The following ATG10 variants were observed in gnomAD, a reference collection of about 807,000 sequenced individuals.
ATG10 encodes the protein autophagy related 10, also known as ubiquitin-like-conjugating enzyme ATG10.
ATG10 carries 30 observed loss-of-function variants against 32.1 expected under a neutral mutation model. That is an observed-to-expected ratio of 0.94 (90% confidence interval 0.70 to 1.27). ATG10 has a LOEUF of 1.27. ATG10 is among the 50% of genes most tolerant of loss of function. The probability of loss-of-function intolerance (pLI) is 0.00; values close to 1 mark genes in which losing one functional copy is unlikely to be tolerated. For missense variants in ATG10, 233 were observed against 262.3 expected (o/e 0.89, Z 0.77); for synonymous variants, 87 against 91.5 (o/e 0.95, Z 0.28).
At chr5:82,217,425 C>G (rs1745732571) in intron 5 of ATG10, among the ~76,000 whole-genome samples, 1 of 152,054 alleles carries the variant, frequency 6.6e-6, no homozygotes, top group Non-Finnish European at 1.5e-5. Context: ...ATTACATTTA[C>G]TATGTGCTTA....
chr5:82,218,052 T>TACACAG (rs1554058425), intron 5 of ATG10, among the ~76,000 whole-genome samples: 2 of 145,186 alleles, frequency 1.4e-5, no homozygotes, highest in Non-Finnish European at 3.0e-5. Context: ...GTTCTCTCTT[T>TACACAG]ACACACACAC....
intron 3 of ATG10, chr5:82,111,259 G>T (rs1765612234): frequency 6.6e-6 from 1 of 151,704 alleles, no homozygotes; most frequent in Non-Finnish European, 1.5e-5. Flanking sequence ...TTTTTACCTT[G>T]ACTTTTCTAA....
At chr5:82,159,944 G>A (rs1381136911) in intron 3 of ATG10, among the ~76,000 whole-genome samples, 2 of 152,108 alleles carry the variant, frequency 1.3e-5, no homozygotes, top group African/African-American at 2.4e-5. Context: ...TCCCCCAGTA[G>A]TAACTTCTTC....
intron 5 of ATG10, among the ~76,000 whole-genome samples, chr5:82,241,242 C>G (rs1236667229): frequency 6.6e-6 from 1 of 152,172 alleles, no homozygotes; most frequent in East Asian, 1.9e-4. Flanking sequence ...AAATCCAAAT[C>G]TGACTGTTCT....
chr5:82,179,264 A>T (rs1744146426), intron 5 of ATG10, among the ~76,000 whole-genome samples: 1 of 152,160 alleles, frequency 6.6e-6, no homozygotes, highest in South Asian at 2.1e-4. Context: ...GTGAGCTCTC[A>T]TATAGGCAGA....
At chr5:82,192,685 A>G (rs1468728059) in intron 5 of ATG10, among the ~76,000 whole-genome samples, 1 of 152,240 alleles carries the variant, frequency 6.6e-6, no homozygotes, top group African/African-American at 2.4e-5. Context: ...TGTGGGGCAC[A>G]TAGTTGATAC....
At chr5:82,012,850 G>A (rs1004124504) in intron 2 of ATG10, among the ~76,000 whole-genome samples, 1 of 151,798 alleles carries the variant, frequency 6.6e-6, no homozygotes, top group African/African-American at 2.4e-5. Context: ...TAGAGACAGG[G>A]TTTCACCATG....
intron 3 of ATG10, among the ~76,000 whole-genome samples, chr5:82,080,906 T>C (rs1252200574): frequency 1.3e-5 from 2 of 152,186 alleles, no homozygotes; most frequent in Admixed American, 6.5e-5. Flanking sequence ...AAGAAAGTCA[T>C]TGGTAGCTTG....
chr5:82,179,762 G>T (rs1043420041), intron 5 of ATG10, among the ~76,000 whole-genome samples: 1 of 152,022 alleles, frequency 6.6e-6, no homozygotes, highest in Non-Finnish European at 1.5e-5. Flanking sequence ...GAGTTTATCA[G>T]TTATTAGAAT....
intron 3 of ATG10, among the ~76,000 whole-genome samples, chr5:82,104,334 T>C (rs1254455236): frequency 6.6e-5 from 10 of 152,168 alleles, no homozygotes; most frequent in Admixed American, 6.6e-4. Flanking sequence ...GAGTTTGTTA[T>C]CTTTCCATAG....
intron 2 of ATG10, among the ~76,000 whole-genome samples, chr5:81,999,331 T>C (rs1290686790): frequency 3.3e-5 from 5 of 152,100 alleles, no homozygotes; most frequent in African/African-American, 1.2e-4. Flanking sequence ...TCTTTGAAAC[T>C]ATTGAGAACA....
intron 3 of ATG10, among the ~76,000 whole-genome samples, chr5:82,093,243 A>G (rs1764950422): frequency 6.6e-6 from 1 of 152,178 alleles, no homozygotes; most frequent in Non-Finnish European, 1.5e-5. Context: ...TTACACATAT[A>G]TTAGGCCACT....
intron 3 of ATG10, among the ~76,000 whole-genome samples, chr5:82,159,980 C>G (rs1214155988): frequency 6.6e-6 from 1 of 152,052 alleles, no homozygotes; most frequent in Non-Finnish European, 1.5e-5. Flanking sequence ...ATATCAGAAC[C>G]AGGATGTTGA....
At chr5:82,060,065 G>A (rs1445264220) in intron 3 of ATG10, among the ~76,000 whole-genome samples, 1 of 152,186 alleles carries the variant, frequency 6.6e-6, no homozygotes, top group African/African-American at 2.4e-5. Flanking sequence ...CAGTGTGAGG[G>A]AACTGACACT....
intron 2 of ATG10, among the ~76,000 whole-genome samples, chr5:82,039,009 G>A (rs771727462): frequency 6.6e-6 from 1 of 152,104 alleles, no homozygotes. Flanking sequence ...ACTATGCCTG[G>A]CTGATTTTTA....
At chr5:82,003,534 G>C (rs1046635426) in intron 2 of ATG10, among the ~76,000 whole-genome samples, 1 of 152,144 alleles carries the variant, frequency 6.6e-6, no homozygotes, top group Non-Finnish European at 1.5e-5. Flanking sequence ...ACATTAAGAG[G>C]CTTCCATTGG....
At chr5:82,115,181 G>A (rs1157271491) in intron 3 of ATG10, among the ~76,000 whole-genome samples, 1 of 151,992 alleles carries the variant, frequency 6.6e-6, no homozygotes, top group Non-Finnish European at 1.5e-5. Flanking sequence ...AGAAATCAAC[G>A]ATGAAAAGTT....
At chr5:82,107,490 C>T (rs1403258066) in intron 3 of ATG10, among the ~76,000 whole-genome samples, 1 of 151,974 alleles carries the variant, frequency 6.6e-6, no homozygotes, top group Admixed American at 6.6e-5. Context: ...AGAGGGAGCA[C>T]CAAACAATAT....
intron 2 of ATG10, among the ~76,000 whole-genome samples, chr5:82,004,225 CAGTT>C (rs1190225746): frequency 2.4e-4 from 37 of 152,094 alleles, no homozygotes; most frequent in African/African-American, 8.9e-4. Flanking sequence ...GTGGATGAAA[CAGTT>C]AGATGAAAGG....
Sources: allele counts gnomAD v4.1 joint callset (sites outside exome capture counted in the v4.1 genomes callset), GRCh38; gene constraint gnomAD v4.1.1; transcripts MANE v1.5; gene names NCBI Gene and HGNC (gene_info 2026-07-23, HGNC 2026-07-21).